The following FARS2 variants were observed in gnomAD, a reference collection of about 807,000 sequenced individuals.
FARS2 encodes the protein phenylalanyl-tRNA synthetase 2, mitochondrial.
Under a neutral mutation model 46.4 loss-of-function variants are expected in FARS2, and 40 were observed. The ratio of observed to expected loss-of-function variants is 0.86; its 90% confidence interval spans 0.67 to 1.12. The LOEUF is 1.12. Among genes scored for constraint, FARS2 ranks in the 50% most tolerant of loss-of-function variants. The probability of loss-of-function intolerance (pLI) is 0.00; values close to 1 mark genes in which losing one functional copy is unlikely to be tolerated. For missense variants in FARS2, 513 were observed against 567.9 expected (o/e 0.90, Z 0.98); for synonymous variants, 234 against 214.9 (o/e 1.09, Z -0.78).
At chr6:5,688,443 C>T (rs1246116043) in intron 6 of FARS2, among the ~76,000 whole-genome samples, 2 of 152,192 alleles carry the variant, frequency 1.3e-5, no homozygotes, top group East Asian at 3.8e-4. Context: ...GCCTTTTCTG[C>T]ATCTATTGAG....
At position 5,457,481 on chromosome 6, in the gene FARS2, T is replaced by C. The variant is rs77043604; in HGVS notation, c.904+26309T>C. Among the ~76,000 whole-genome samples the C allele has an allele frequency of 4.1e-3, 622 of 152,318 alleles. 8 individuals carry two copies. Among genetic ancestry groups the C allele is most frequent in the East Asian group, 0.018 (95 of 5,184 alleles). ...CTGTCACATACCAGATCCCCTGAAATTGTTTGTTGAGCAGACTGTTATCAT... is the reference window on the plus strand; with the variant it reads ...CTGTCACATACCAGATCCCCTGAAACTGTTTGTTGAGCAGACTGTTATCAT... On this transcript the variant is annotated intron_variant, in intron 4 of 6. Coordinates refer to ENST00000274680, the MANE Select transcript of FARS2 (RefSeq NM_006567.5).
chr6:5,285,917 C>T (rs574786607), intron 1 of FARS2, among the ~76,000 whole-genome samples: 30 of 152,296 alleles, frequency 2.0e-4, no homozygotes, highest in Admixed American at 1.6e-3. Context: ...AAAGTTCATA[C>T]CTGTGGAGAA....
At chr6:5,278,145 G>A (rs1452435330) in intron 1 of FARS2, among the ~76,000 whole-genome samples, 1 of 152,230 alleles carries the variant, frequency 6.6e-6, no homozygotes, top group Admixed American at 6.5e-5. Context: ...TGAAAGATGA[G>A]AGTTCGGCTC....
rs1047294823 is a variant in FARS2 at position 5,355,859 on chromosome 6, T to C, written c.-21-12691T>C. 2.0e-5 allele frequency among the ~76,000 whole-genome samples: 3 copies of C among 152,230 alleles called. No homozygotes were observed. In the East Asian group the frequency reaches 5.8e-4, roughly 29 times the overall value. On this transcript the variant is annotated intron_variant, in intron 1 of 6. Coordinates refer to ENST00000274680, the MANE Select transcript of FARS2 (RefSeq NM_006567.5). ...ACCTACTATGATCAATTTCTTGATA[T>C]ACACTCAACCCAATATTATTCACGG...
intron 1 of FARS2, among the ~76,000 whole-genome samples, chr6:5,273,526 T>C (rs923867348): frequency 2.6e-5 from 4 of 151,842 alleles, no homozygotes; most frequent in African/African-American, 9.7e-5. Context: ...TTTTTTTTTA[T>C]TGAGTTGTTT....
intron 2 of FARS2, among the ~76,000 whole-genome samples, chr6:5,396,649 AG>A (rs1450976145): frequency 2.0e-5 from 3 of 152,220 alleles, no homozygotes; most frequent in African/African-American, 7.2e-5. Flanking sequence ...CGAAAGTGAC[AG>A]AACTTCCCAA....
At chr6:5,378,287 G>A (rs1400940886) in intron 2 of FARS2, among the ~76,000 whole-genome samples, 1 of 151,934 alleles carries the variant, frequency 6.6e-6, no homozygotes, top group African/African-American at 2.4e-5. Context: ...CTGTGGGTGA[G>A]GGGCTCCTTC....
chr6:5,548,039 C>T (rs927887877), intron 5 of FARS2, among the ~76,000 whole-genome samples: 8 of 152,204 alleles, frequency 5.3e-5, no homozygotes, highest in South Asian at 4.2e-4. Context: ...TGGCGGTGGG[C>T]GAAAGGCACT....
the FARS2 span, among the ~76,000 whole-genome samples, chr6:5,251,523 G>A: frequency 1.4e-3 from 211 of 152,272 alleles, no homozygotes; most frequent in African/African-American, 4.9e-3. Flanking sequence ...CAGAGCAGGA[G>A]CAAGCAAGCG....
rs1001083655 is a variant in FARS2, at chr6:5,301,692, C to T, written c.-22+40032C>T. On this transcript the variant is annotated intron_variant, in intron 1 of 6. Transcript: ENST00000274680. The stretch of plus-strand genomic sequence containing the variant: ...CAGTTTAATATATTAGGGTGGGTTG[C>T]GGAGTGGCAACTAATATCAAACAAT... Among the ~76,000 whole-genome samples the T allele has an allele frequency of 3.3e-5, 5 of 152,088 alleles. No individual in the cohort carries two copies. In the South Asian group the frequency reaches 6.2e-4, roughly 19 times the overall value.
intron 2 of FARS2, among the ~76,000 whole-genome samples, chr6:5,369,801 C>A (rs566809802): frequency 6.6e-6 from 1 of 151,592 alleles, no homozygotes; most frequent in East Asian, 1.9e-4. Flanking sequence ...CAACTCCTTG[C>A]GTCTGTTAGA....
chr6:5,509,207 A>C (rs1768282307), intron 4 of FARS2, among the ~76,000 whole-genome samples: 3 of 152,226 alleles, frequency 2.0e-5, no homozygotes, highest in Admixed American at 2.0e-4. Flanking sequence ...CATTTCACCC[A>C]ATCAGAATTG....
chr6:5,442,416 C>T (rs920462338), intron 4 of FARS2, among the ~76,000 whole-genome samples: 28 of 141,200 alleles, frequency 2.0e-4, no homozygotes, highest in African/African-American at 6.5e-4. Flanking sequence ...TATATATATA[C>T]ACACACACAC....
intron 1 of FARS2, among the ~76,000 whole-genome samples, chr6:5,364,399 G>T (rs1445090797): frequency 6.6e-6 from 1 of 152,102 alleles, no homozygotes; most frequent in Admixed American, 6.5e-5. Flanking sequence ...CCATTATATT[G>T]TATTTTCTCT....
intron 2 of FARS2, among the ~76,000 whole-genome samples, chr6:5,396,621 T>TA (rs1362632382): frequency 6.6e-6 from 1 of 152,184 alleles, no homozygotes; most frequent in African/African-American, 2.4e-5. Flanking sequence ...ATAATTTTGT[T>TA]ACAATTTTTA....
At position 5,688,874 on chromosome 6, in the gene FARS2, T is replaced by G. The variant is rs549668127; in HGVS notation, c.1217+75554T>G. Among the ~76,000 whole-genome samples, 47 of 152,342 alleles carry G rather than the reference T, an allele frequency of 3.1e-4. No homozygotes were observed. In the South Asian group the frequency reaches 8.3e-3, roughly 27 times the overall value. ...TAAGCTATTAATTATTGCCTCAATTTCAGAGCCTGTTATTGGTCTATTCAG... is the reference window on the plus strand; with the variant it reads ...TAAGCTATTAATTATTGCCTCAATTGCAGAGCCTGTTATTGGTCTATTCAG... On this transcript the variant is annotated intron_variant, in intron 6 of 6. Transcript: ENST00000274680.
At chr6:5,588,831 C>G (rs1182449349) in intron 5 of FARS2, among the ~76,000 whole-genome samples, 1 of 152,170 alleles carries the variant, frequency 6.6e-6, no homozygotes, top group Non-Finnish European at 1.5e-5. Flanking sequence ...GCATTACAGC[C>G]TTCAGTTCTG....
At chr6:5,315,714 T>TTC (rs1364617708) in intron 1 of FARS2, among the ~76,000 whole-genome samples, 1 of 39,842 alleles carries the variant, frequency 2.5e-5, no homozygotes, top group African/African-American at 9.1e-5. Flanking sequence ...GTATATTGAT[T>TTC]TCTCTTTCTT....
At chr6:5,462,594 T>C (rs1374721962) in intron 4 of FARS2, among the ~76,000 whole-genome samples, 1 of 152,236 alleles carries the variant, frequency 6.6e-6, no homozygotes, top group African/African-American at 2.4e-5. Flanking sequence ...ATTCATCTTT[T>C]TGAATGTGTA....
Sources: allele counts gnomAD v4.1 joint callset (sites outside exome capture counted in the v4.1 genomes callset), GRCh38; gene constraint gnomAD v4.1.1; transcripts MANE v1.5; gene names NCBI Gene and HGNC (gene_info 2026-07-23, HGNC 2026-07-21).